Variants in SMYD3 observed in about 807,000 individuals in gnomAD.
SMYD3 encodes the protein SET and MYND domain containing 3, also known as histone-lysine N-methyltransferase SMYD3.
Under a neutral mutation model 57.7 loss-of-function variants are expected in SMYD3, and 36 were observed. That is an observed-to-expected ratio of 0.62 (90% confidence interval 0.48 to 0.82). The LOEUF (loss-of-function observed/expected upper bound fraction) is 0.82. Ranked by LOEUF, SMYD3 falls within the 40% of genes least tolerant of loss-of-function variation. SMYD3 has a pLI of 0.00. For missense variants in SMYD3, 515 were observed against 538.8 expected, an observed-to-expected ratio of 0.96 and a Z score of 0.44; for synonymous variants, 211 against 195.0, an observed-to-expected ratio of 1.08 and a Z score of -0.68.
At chr1:245,937,639 T>C (rs1027822492) in intron 5 of SMYD3, among the ~76,000 whole-genome samples, 4 of 152,216 alleles carry the variant, frequency 2.6e-5, no homozygotes, top group Non-Finnish European at 4.4e-5. Flanking sequence ...TCATTATAGG[T>C]TTCCATAGCT....
intron 5 of SMYD3, among the ~76,000 whole-genome samples, chr1:246,289,626 A>T (rs2064645242): frequency 6.6e-6 from 1 of 152,218 alleles, no homozygotes; most frequent in African/African-American, 2.4e-5. Flanking sequence ...TCTACCACTC[A>T]CTGACACTGA....
chr1:246,382,279 G>A (rs969889398), intron 1 of SMYD3, among the ~76,000 whole-genome samples: 5 of 152,098 alleles, frequency 3.3e-5, no homozygotes, highest in East Asian at 1.9e-4. Context: ...CTCAGCCTCC[G>A]GGCCCAGTCC....
At chr1:246,245,844 A>C (rs2063695501) in intron 5 of SMYD3, among the ~76,000 whole-genome samples, 1 of 152,170 alleles carries the variant, frequency 6.6e-6, no homozygotes, top group Non-Finnish European at 1.5e-5. Flanking sequence ...AATACACCAA[A>C]CTGTATGAAA....
At chr1:246,316,455 G>A (rs984079566) in intron 5 of SMYD3, among the ~76,000 whole-genome samples, 3 of 150,642 alleles carry the variant, frequency 2.0e-5, no homozygotes, top group African/African-American at 7.3e-5. Flanking sequence ...CCCCTCCCAG[G>A]TTCAAGGGAG....
chr1:246,422,343 C>T (rs1191724602), intron 1 of SMYD3, among the ~76,000 whole-genome samples: 1 of 152,022 alleles, frequency 6.6e-6, no homozygotes, highest in African/African-American at 2.4e-5. Context: ...GATCCCATTC[C>T]TTCATTTATC....
chr1:246,213,663 CA>C (rs1400467140), intron 5 of SMYD3, among the ~76,000 whole-genome samples: 2 of 152,148 alleles, frequency 1.3e-5, no homozygotes, highest in Non-Finnish European at 2.9e-5. Flanking sequence ...GTTCAAAGGT[CA>C]AAACCAGTCC....
intron 5 of SMYD3, among the ~76,000 whole-genome samples, chr1:246,045,795 C>T (rs867489772): frequency 1.6e-4 from 25 of 152,048 alleles, no homozygotes; most frequent in Non-Finnish European, 3.2e-4. Flanking sequence ...AAAATCAACC[C>T]CATCAAAAAG....
At chr1:246,307,575 A>T (rs938187016) in intron 5 of SMYD3, among the ~76,000 whole-genome samples, 11 of 151,250 alleles carry the variant, frequency 7.3e-5, no homozygotes, top group African/African-American at 2.7e-4. Flanking sequence ...GCCCGCCACC[A>T]CGCCCGGCTA....
intron 5 of SMYD3, among the ~76,000 whole-genome samples, chr1:246,122,897 C>A (rs2061445086): frequency 6.6e-6 from 1 of 152,172 alleles, no homozygotes; most frequent in Non-Finnish European, 1.5e-5. Context: ...CCAAAAGAGG[C>A]CAATTTTAAA....
chr1:246,036,531 CTT>C (rs2059774125), intron 5 of SMYD3, among the ~76,000 whole-genome samples: 1 of 105,756 alleles, frequency 9.5e-6, no homozygotes, highest in African/African-American at 5.6e-5. Context: ...CTGTACTCTT[CTT>C]TCTCTCTTTT....
At chr1:246,491,175 T>C (rs1221187213) in intron 1 of SMYD3, among the ~76,000 whole-genome samples, 1 of 152,146 alleles carries the variant, frequency 6.6e-6, no homozygotes, top group Non-Finnish European at 1.5e-5. Context: ...AAACACAGGA[T>C]ACACTGGGAA....
intron 8 of SMYD3, among the ~76,000 whole-genome samples, chr1:245,897,693 G>A (rs557428400): frequency 5.3e-5 from 8 of 152,204 alleles, no homozygotes; most frequent in African/African-American, 1.7e-4. Context: ...TCAGGAGTTC[G>A]AGACCAGCCT....
chr1:246,456,083 C>T (rs560550143), intron 1 of SMYD3, among the ~76,000 whole-genome samples: 1 of 151,688 alleles, frequency 6.6e-6, no homozygotes, highest in Non-Finnish European at 1.5e-5. Flanking sequence ...TCTTTGCTGG[C>T]CACCTCCTTG....
At chr1:245,758,295 G>C (rs2045695115) in intron 11 of SMYD3, among the ~76,000 whole-genome samples, 1 of 152,118 alleles carries the variant, frequency 6.6e-6, no homozygotes, top group South Asian at 2.1e-4. Flanking sequence ...GTGTGTGTGT[G>C]TAATCTTCAG....
At chr1:245,817,794 T>G (rs1454602898) in intron 10 of SMYD3, among the ~76,000 whole-genome samples, 1 of 152,102 alleles carries the variant, frequency 6.6e-6, no homozygotes, top group East Asian at 1.9e-4. Flanking sequence ...AGAAAGGGTA[T>G]CAGTGATGGA....
At chr1:246,133,725 G>A (rs1018248352) in intron 5 of SMYD3, among the ~76,000 whole-genome samples, 2 of 152,046 alleles carry the variant, frequency 1.3e-5, no homozygotes, top group Admixed American at 6.6e-5. Context: ...AGAAGAAGGA[G>A]AAAGAGGGAG....
At chr1:245,881,560 AT>A (rs1425851486) in intron 8 of SMYD3, among the ~76,000 whole-genome samples, 1 of 152,152 alleles carries the variant, frequency 6.6e-6, no homozygotes, top group African/African-American at 2.4e-5. Flanking sequence ...TTATTCACAT[AT>A]TCACTTGCGC....
chr1:245,849,811 C>T (rs965830054), intron 10 of SMYD3, among the ~76,000 whole-genome samples: 1 of 152,060 alleles, frequency 6.6e-6, no homozygotes, highest in Middle Eastern at 3.2e-3. Context: ...TGCCACCTCT[C>T]CCAGCTAATC....
At chr1:246,000,870 A>AT (rs1298518747) in intron 5 of SMYD3, among the ~76,000 whole-genome samples, 1 of 152,244 alleles carries the variant, frequency 6.6e-6, no homozygotes, top group Non-Finnish European at 1.5e-5. Context: ...ATCTTGACTT[A>AT]TGACATATGG....
Sources: allele counts gnomAD v4.1 joint callset (sites outside exome capture counted in the v4.1 genomes callset), GRCh38; gene constraint gnomAD v4.1.1; transcripts MANE v1.5; gene names NCBI Gene and HGNC (gene_info 2026-07-23, HGNC 2026-07-21).